Variants in FAM124A observed in about 807,000 individuals in gnomAD.
FAM124A encodes family with sequence similarity 124 member A.
A neutral mutation model predicts 24.5 loss-of-function variants in FAM124A; 23 were observed. That is an observed-to-expected ratio of 0.94 (90% CI 0.68 to 1.33). FAM124A has a LOEUF of 1.33. FAM124A is among the 40% of genes most tolerant of loss of function. The probability of loss-of-function intolerance (pLI) is 0.00; values close to 1 mark genes in which losing one functional copy is unlikely to be tolerated. For missense variants in FAM124A, 623 were observed against 722.8 expected, an observed-to-expected ratio of 0.86 and a Z score of 1.58; for synonymous variants, 287 against 314.7, an observed-to-expected ratio of 0.91 and a Z score of 0.93.
At chr13:51,253,654 A>G (rs1954648546) in intron 3 of FAM124A, 1 of 152,246 alleles carries the variant, frequency 6.6e-6, no homozygotes, top group Admixed American at 6.5e-5. Flanking sequence ...TTTTGCAGTA[A>G]TTAGAGCACT....
rs1251907086 is a variant in FAM124A at position 51,282,010 on chromosome 13, GCTTCTGAAGACCA to G, written c.*757_*769del. ...CACATTTCACTGGAATGGATGAGGG[GCTTCTGAAGACCA>G]CTCCACTACCTGAATTTATTTGGAT... On this transcript the variant is annotated 3_prime_UTR_variant, in exon 4 of 4. Transcript: ENST00000322475. 1 of 152,174 alleles carries G rather than the reference GCTTCTGAAGACCA, an allele frequency of 6.6e-6. No individual in the cohort carries two copies. The highest frequency in any genetic ancestry group is 1.9e-4 in the East Asian group (1 of 5,194). The allele number at this position is 152,174 out of a possible 1,614,324, so 9.4% of individuals were successfully genotyped here. A position where few individuals can be genotyped will look rare whatever the true frequency, so the allele number is the denominator to read the frequency against.
chr13:51,235,302 A>G (rs925896143), intron 2 of FAM124A, among the ~76,000 whole-genome samples: 1 of 151,918 alleles, frequency 6.6e-6, no homozygotes, highest in African/African-American at 2.4e-5. Flanking sequence ...TCAAGCCACT[A>G]TGTACAATTT....
At chr13:51,259,369 T>G (rs936010616) in intron 3 of FAM124A, among the ~76,000 whole-genome samples, 1 of 151,966 alleles carries the variant, frequency 6.6e-6, no homozygotes, top group African/African-American at 2.4e-5. Flanking sequence ...CCAGGGCTGG[T>G]GAGACCTGCC....
intron 3 of FAM124A, among the ~76,000 whole-genome samples, chr13:51,274,634 A>G (rs1019994133): frequency 3.9e-5 from 6 of 152,184 alleles, no homozygotes; most frequent in Admixed American, 3.3e-4. Context: ...GGTATTTATG[A>G]TTTATGATAT....
At chr13:51,276,448 T>C (rs1293420803) in intron 3 of FAM124A, among the ~76,000 whole-genome samples, 1 of 152,218 alleles carries the variant, frequency 6.6e-6, no homozygotes, top group East Asian at 1.9e-4. Context: ...CAGCAAGCAT[T>C]TGCTCAACCG....
chr13:51,276,538 C>T (rs900849884), intron 3 of FAM124A, among the ~76,000 whole-genome samples: 5 of 152,162 alleles, frequency 3.3e-5, no homozygotes, highest in Non-Finnish European at 5.9e-5. Flanking sequence ...AAAACGTGTA[C>T]GGGCTTTGTC....
chr13:51,277,086 C>T (rs1184121295), intron 3 of FAM124A, among the ~76,000 whole-genome samples: 2 of 151,688 alleles, frequency 1.3e-5, no homozygotes, highest in Non-Finnish European at 2.9e-5. Flanking sequence ...CCTAAGTGTC[C>T]ATCAAGTGGA....
intron 3 of FAM124A, among the ~76,000 whole-genome samples, chr13:51,260,715 CA>C (rs1418424879): frequency 6.6e-6 from 1 of 152,178 alleles, no homozygotes; most frequent in Admixed American, 6.5e-5. Flanking sequence ...CTCATGGACC[CA>C]GTAGAGACCT....
chr13:51,238,719 C>T (rs1012893419), intron 2 of FAM124A, among the ~76,000 whole-genome samples: 6 of 152,146 alleles, frequency 3.9e-5, no homozygotes, highest in Admixed American at 2.0e-4. Context: ...TGAAGCTGAA[C>T]GTGTGAGTCC....
In FAM124A at chr13:51,282,341, C is replaced by T. The variant is rs1954948160; in HGVS notation, c.*1085C>T. 1 of 152,224 alleles carries T rather than the reference C, an allele frequency of 6.6e-6. No individual in the cohort carries two copies. Among genetic ancestry groups the T allele is most frequent in the African/African-American group, 2.4e-5 (1 of 41,458 alleles). The allele number at this position is 152,224 out of a possible 1,614,324, so 9.4% of individuals were successfully genotyped here. On this transcript the variant is annotated 3_prime_UTR_variant, in exon 4 of 4. Transcript: ENST00000322475. Reference sequence around the variant, plus strand: ...CTGAAACGCTCTCCTGAACAAACACCAGTGCACTGCCAGCCTCACATGATT... The same window carrying T: ...CTGAAACGCTCTCCTGAACAAACACTAGTGCACTGCCAGCCTCACATGATT...
chr13:51,264,492 C>G (rs1954765998), intron 3 of FAM124A, among the ~76,000 whole-genome samples: 1 of 152,182 alleles, frequency 6.6e-6, no homozygotes, highest in African/African-American at 2.4e-5. Context: ...GATGTAGTGG[C>G]ATACACCTGT....
chr13:51,251,444 C>T lies in FAM124A; in HGVS notation c.101-24C>T. ...ATAATCATAATTGTATTCATTCATC[C>T]ATTCGTTTTTTGCGTGCCCCCAGGT... On this transcript the variant is annotated intron_variant, in intron 2 of 3. Coordinates refer to ENST00000322475, the MANE Select transcript of FAM124A (RefSeq NM_001242312.2). This position sits in a 1 kb window ranked among gnomAD's most constrained non-coding sequence, Gnocchi z 5.3. 6.7e-7 allele frequency: 1 copy of T among 1,494,082 alleles called. No homozygotes were observed. Among genetic ancestry groups the T allele is most frequent in the Non-Finnish European group, 8.9e-7 (1 of 1,121,414 alleles). 92.6% of individuals were successfully genotyped at this position (1,494,082 alleles called of 1,614,324 possible).
At chr13:51,229,942 C>T (rs1230310642) in intron 1 of FAM124A, among the ~76,000 whole-genome samples, 1 of 152,152 alleles carries the variant, frequency 6.6e-6, no homozygotes, top group Non-Finnish European at 1.5e-5. Context: ...GCTAGCCAGT[C>T]AATCCCTTCT....
chr13:51,273,559 C>T (rs1954858910), intron 3 of FAM124A, among the ~76,000 whole-genome samples: 1 of 151,720 alleles, frequency 6.6e-6, no homozygotes, highest in Non-Finnish European at 1.5e-5. Flanking sequence ...AGGCGTGTAA[C>T]ATTGCGTTGG....
intron 3 of FAM124A, among the ~76,000 whole-genome samples, chr13:51,262,799 A>G (rs975963734): frequency 1.3e-5 from 2 of 152,184 alleles, no homozygotes; most frequent in Non-Finnish European, 2.9e-5. Flanking sequence ...TCAAGACACT[A>G]TCTTCCCGAG....
chr13:51,241,058 G>A (rs1193169365), intron 2 of FAM124A, among the ~76,000 whole-genome samples: 3 of 152,170 alleles, frequency 2.0e-5, no homozygotes, highest in Non-Finnish European at 4.4e-5. Flanking sequence ...GCCTTTCCTG[G>A]CTCAGAAAGC....
At chr13:51,255,956 G>C (rs1054381532) in intron 3 of FAM124A, among the ~76,000 whole-genome samples, 10 of 152,204 alleles carry the variant, frequency 6.6e-5, no homozygotes. Context: ...CAGGTTCCTG[G>C]AGCCTATTCT....
At chr13:51,244,543 G>A (rs1447237155) in intron 2 of FAM124A, among the ~76,000 whole-genome samples, 1 of 152,178 alleles carries the variant, frequency 6.6e-6, no homozygotes. Context: ...CATATCCTGA[G>A]ACTTGTCCAG....
intron 2 of FAM124A, among the ~76,000 whole-genome samples, chr13:51,237,185 CT>C (rs1258373624): frequency 2.0e-5 from 3 of 152,128 alleles, no homozygotes; most frequent in African/African-American, 7.2e-5. Flanking sequence ...AGGTCTGCCC[CT>C]ATTTTCATTA....
Sources: allele counts gnomAD v4.1 joint callset (sites outside exome capture counted in the v4.1 genomes callset), GRCh38; gene constraint gnomAD v4.1.1; non-coding constraint Gnocchi (gnomAD v3.1); transcripts MANE v1.5; gene names NCBI Gene and HGNC (gene_info 2026-07-23, HGNC 2026-07-21).